Variants in LIFR observed in about 807,000 individuals in gnomAD.
LIFR encodes LIF receptor subunit alpha, also known as leukemia inhibitory factor receptor.
LIFR carries 84 observed loss-of-function variants against 122.2 expected under a neutral mutation model. The observed-to-expected ratio is 0.69, with a 90% CI of 0.58 to 0.82. LIFR has a LOEUF of 0.82. Ranked by LOEUF, LIFR falls within the 40% of genes least tolerant of loss-of-function variation. The probability of loss-of-function intolerance (pLI) is 0.00; values close to 1 mark genes in which losing one functional copy is unlikely to be tolerated. For synonymous variants in LIFR, 422 were observed against 434.7 expected (o/e 0.97, Z 0.36); for missense variants, 1,294 against 1,311.6 (o/e 0.99, Z 0.21).
rs372291945 is a variant in LIFR, at chr5:38,484,769, T to A, written c.2591+6A>T. On this transcript the variant is annotated splice_donor_region_variant and intron_variant, in intron 18 of 19. Coordinates refer to ENST00000453190, the MANE Select transcript of LIFR (RefSeq NM_001127671.2). ...AAAACAGCAAGAGTAAATGCAGAAC[T>A]ATTACCATTCTCGTTTCCGATAGCA... is the stretch of plus-strand genomic sequence containing the variant. 20 of 1,586,118 alleles carry A rather than the reference T, an allele frequency of 1.3e-5. No homozygotes were observed. The African/African-American group carries it at 2.0e-4, about 16-fold the overall frequency.
chr5:38,518,128 T>G (rs1746204366), intron 5 of LIFR, among the ~76,000 whole-genome samples: 1 of 151,402 alleles, frequency 6.6e-6, no homozygotes, highest in Non-Finnish European at 1.5e-5. Context: ...AACAAATGAA[T>G]AAAATAAAAT....
intron 14 of LIFR, 58 bp from the exon 15 acceptor site, chr5:38,490,349 T>A (rs1744517300): frequency 1.4e-5 from 11 of 772,800 alleles, no homozygotes; most frequent in Non-Finnish European, 2.2e-5. Context: ...ATATCTATTT[T>A]AGAAACATCA....
chr5:38,561,827 C>T (rs1452682088), intron 1 of LIFR, among the ~76,000 whole-genome samples: 1 of 152,130 alleles, frequency 6.6e-6, no homozygotes, highest in African/African-American at 2.4e-5. Flanking sequence ...CAGTCATTTT[C>T]CCTTTGGTTC....
chr5:38,504,858 T>G (rs1037416736), intron 9 of LIFR, among the ~76,000 whole-genome samples: 2 of 152,210 alleles, frequency 1.3e-5, no homozygotes, highest in Non-Finnish European at 2.9e-5. Flanking sequence ...AAGTGACTTA[T>G]GCTTACAAAT....
chr5:38,504,817 C>T (rs762875851), intron 9 of LIFR, among the ~76,000 whole-genome samples: 2 of 152,108 alleles, frequency 1.3e-5, no homozygotes, highest in Non-Finnish European at 2.9e-5. Context: ...ATCCAGAAAT[C>T]GCAAAGACGA....
At chr5:38,569,988 G>T (rs1183812595) in intron 1 of LIFR, among the ~76,000 whole-genome samples, 1 of 152,046 alleles carries the variant, frequency 6.6e-6, no homozygotes, top group Non-Finnish European at 1.5e-5. Context: ...GACTTAGTTT[G>T]TTTCAGCCTT....
At chr5:38,568,962 G>GCTGAGGTGTGGTGT (rs1749117873) in intron 1 of LIFR, among the ~76,000 whole-genome samples, 1 of 152,202 alleles carries the variant, frequency 6.6e-6, no homozygotes, top group Non-Finnish European at 1.5e-5. Context: ...TGTGGTGAGA[G>GCTGAGGTGTGGTGT]GTAGGGGCCT....
chr5:38,480,418 A>C lies in LIFR; in HGVS notation c.*1177T>G, dbSNP rs141338789. 181 of 222,210 alleles carry C rather than the reference A, an allele frequency of 8.1e-4. No homozygotes were observed. The highest frequency in any genetic ancestry group is 3.9e-3 in the African/African-American group (177 of 44,816). 13.8% of individuals were successfully genotyped at this position (222,210 alleles called of 1,614,324 possible). The stretch of plus-strand genomic sequence containing the variant: ...ACAGGTATGCCCATGGATTCAGATC[A>C]GTTTATGACAGTTACTAAGAAACAG... On this transcript the variant is annotated 3_prime_UTR_variant, in exon 20 of 20. Coordinates refer to ENST00000453190, the MANE Select transcript of LIFR (RefSeq NM_001127671.2).
intron 11 of LIFR, among the ~76,000 whole-genome samples, chr5:38,500,484 G>A (rs1400063118): frequency 6.6e-6 from 1 of 152,138 alleles, no homozygotes; most frequent in Non-Finnish European, 1.5e-5. Context: ...CAGCCTGAAG[G>A]TAATTTCATA....
chr5:38,566,283 C>T (rs941978997), intron 1 of LIFR, among the ~76,000 whole-genome samples: 1 of 152,118 alleles, frequency 6.6e-6, no homozygotes, highest in African/African-American at 2.4e-5. Flanking sequence ...TATATTGTTC[C>T]TTTGATTTTA....
At chr5:38,536,570 T>C (rs978636220) in intron 1 of LIFR, among the ~76,000 whole-genome samples, 12 of 152,248 alleles carry the variant, frequency 7.9e-5, no homozygotes, top group Non-Finnish European at 5.9e-5. Flanking sequence ...GGGACAATTA[T>C]ATTTTTCCTT....
intron 1 of LIFR, among the ~76,000 whole-genome samples, chr5:38,564,781 TA>T (rs1344785541): frequency 1.7e-3 from 244 of 141,292 alleles, no homozygotes; most frequent in Non-Finnish European, 2.4e-3. Context: ...CACACACATA[TA>T]TTTTTTTTTT....
rs139848756 is a variant in LIFR at position 38,489,111 on chromosome 5, T to C, written c.2302A>G (p.Arg768Gly). ...AAAACCCTCATCTTAGATGTGTCTC[T>C]TTCTCCTTTTCCAAAGTAAAACAAA... ...GYLFYFGKGERDTSKMRVLES... is the reference protein window; with the variant it reads ...GYLFYFGKGEGDTSKMRVLES... Residue 768 changes from arginine to glycine, a missense_variant, in exon 16 of 20, where the codon AGA (arginine) becomes GGA (glycine). Transcript: ENST00000453190. 1.7e-3 allele frequency: 2,703 copies of C among 1,613,144 alleles called. 8 individuals carry two copies. Among genetic ancestry groups the C allele is most frequent in the Non-Finnish European group, 2.0e-3 (2,413 of 1,179,278 alleles).
At chr5:38,589,547 C>G (rs551882381) in intron 1 of LIFR, among the ~76,000 whole-genome samples, 1 of 152,102 alleles carries the variant, frequency 6.6e-6, no homozygotes, top group South Asian at 2.1e-4. Flanking sequence ...AAATTCAAAT[C>G]TAGTACCATC....
chr5:38,513,744 A>G (rs1181284732), intron 5 of LIFR, among the ~76,000 whole-genome samples: 1 of 152,132 alleles, frequency 6.6e-6, no homozygotes, highest in Admixed American at 6.5e-5. Context: ...GCCCATCCTC[A>G]TCACTCTAGA....
At chr5:38,586,417 C>G (rs1009946290) in intron 1 of LIFR, among the ~76,000 whole-genome samples, 1 of 152,204 alleles carries the variant, frequency 6.6e-6, no homozygotes, top group African/African-American at 2.4e-5. Context: ...CCAAGCTGTA[C>G]ATAACATGGT....
chr5:38,558,413 TC>T (rs1561209209), upstream of LIFR: 1 of 152,104 alleles, frequency 6.6e-6, no homozygotes, highest in East Asian at 1.9e-4. Context: ...ATGGCTAACA[TC>T]CACCTGATAC....
At chr5:38,578,869 C>A (rs1437490697) in intron 1 of LIFR, among the ~76,000 whole-genome samples, 1 of 152,158 alleles carries the variant, frequency 6.6e-6, no homozygotes, top group Non-Finnish European at 1.5e-5. Context: ...GACACCATTT[C>A]TTTAAGACAC....
At chr5:38,531,658 C>T (rs1399137567) in intron 1 of LIFR, among the ~76,000 whole-genome samples, 1 of 151,840 alleles carries the variant, frequency 6.6e-6, no homozygotes, top group Non-Finnish European at 1.5e-5. Context: ...ATTGAGTAAT[C>T]TTTCAGAACA....
Sources: allele counts gnomAD v4.1 joint callset (sites outside exome capture counted in the v4.1 genomes callset), GRCh38; gene constraint gnomAD v4.1.1; transcripts MANE v1.5; gene names NCBI Gene and HGNC (gene_info 2026-07-23, HGNC 2026-07-21).